CRISPLD2: variants seen among roughly 807,000 people sequenced by gnomAD.
CRISPLD2 encodes cysteine-rich secretory protein LCCL domain-containing 2.
Under a neutral mutation model 71.1 loss-of-function variants are expected in CRISPLD2, and 47 were observed. That is an observed-to-expected ratio of 0.66 (90% CI 0.52 to 0.84). The LOEUF (loss-of-function observed/expected upper bound fraction) is 0.84. Among genes scored for constraint, CRISPLD2 ranks in the 40% least tolerant of loss-of-function variants. CRISPLD2 has a pLI of 0.00. For missense variants in CRISPLD2, 830 were observed against 651.1 expected, an observed-to-expected ratio of 1.27 and a Z score of -2.99; for synonymous variants, 317 against 250.1, an observed-to-expected ratio of 1.27 and a Z score of -2.52.
chr16:84,821,414 A>G (rs142950690), intron 1 of CRISPLD2, among the ~76,000 whole-genome samples: 1 of 152,292 alleles, frequency 6.6e-6, no homozygotes, highest in Non-Finnish European at 1.5e-5. Context: ...TGTGCCACGC[A>G]GTTTACCTGT....
rs1286213103 is a variant in CRISPLD2 at position 84,868,838 on chromosome 16, A to G, written c.854-13A>G. The stretch of plus-strand genomic sequence containing the variant: ...TTCGTGCCGTGACATGTATTCCCGC[A>G]TTTCTCTCCTAGCCCAAGTCGTCAG... On this transcript the variant is annotated splice_polypyrimidine_tract_variant and intron_variant, in intron 7 of 14. Transcript: ENST00000262424. 6 of 1,611,108 alleles carry G rather than the reference A, an allele frequency of 3.7e-6. No individual in the cohort carries two copies. Among genetic ancestry groups the G allele is most frequent in the Non-Finnish European group, 3.4e-6 (4 of 1,178,410 alleles).
intron 6 of CRISPLD2, among the ~76,000 whole-genome samples, chr16:84,864,151 C>G (rs1917472074): frequency 1.3e-5 from 2 of 152,062 alleles, no homozygotes; most frequent in South Asian, 4.1e-4. Flanking sequence ...AGACCCTGGC[C>G]CGGAGCAGAA....
chr16:84,880,236 A>T (rs1017973939), intron 12 of CRISPLD2, among the ~76,000 whole-genome samples: 1 of 152,068 alleles, frequency 6.6e-6, no homozygotes, highest in Non-Finnish European at 1.5e-5. Flanking sequence ...TTAGATTTTT[A>T]TTCTCTTTAC....
chr16:84,869,136 T>G (rs2071443120), intron 8 of CRISPLD2, among the ~76,000 whole-genome samples: 1 of 152,232 alleles, frequency 6.6e-6, no homozygotes, highest in Admixed American at 6.5e-5. Flanking sequence ...AGCAGGCTGC[T>G]CCCAGTGGGC....
intron 13 of CRISPLD2, among the ~76,000 whole-genome samples, chr16:84,884,671 T>C (rs1053970585): frequency 6.6e-6 from 1 of 152,094 alleles, no homozygotes; most frequent in Non-Finnish European, 1.5e-5. Context: ...GTGGGAGATG[T>C]GCATATTGAT....
intron 14 of CRISPLD2, among the ~76,000 whole-genome samples, chr16:84,891,810 C>A (rs186769805): frequency 6.6e-6 from 1 of 152,188 alleles, no homozygotes; most frequent in East Asian, 1.9e-4. Context: ...GCTTTCCCAC[C>A]CGCCCCACTA....
rs1305591349 is a variant in CRISPLD2, at chr16:84,871,878, A to G, written c.915-564A>G. 2.1e-3 allele frequency among the ~76,000 whole-genome samples: 199 copies of G among 94,680 alleles called. 3 individuals are homozygous for G. The highest frequency in any genetic ancestry group is 6.6e-3 in the African/African-American group (185 of 28,126). The allele number at this position is 94,680 out of a possible 152,430, so 62.1% of individuals were successfully genotyped here. On this transcript the variant is annotated intron_variant, in intron 8 of 14. Coordinates refer to ENST00000262424, the MANE Select transcript of CRISPLD2 (RefSeq NM_031476.4). The stretch of plus-strand genomic sequence containing the variant: ...TGTTTTTTTTCAAATGAGAAAAAAA[A>G]AAAAAAAAAAAAAAAAAAAAAGACT...
intron 11 of CRISPLD2, among the ~76,000 whole-genome samples, chr16:84,875,395 CAT>C (rs2071509094): frequency 1.4e-5 from 2 of 140,520 alleles, no homozygotes; most frequent in Non-Finnish European, 3.0e-5. Flanking sequence ...ACATGAGAAA[CAT>C]GAGATTTATG....
At chr16:84,849,659 C>A in intron 4 of CRISPLD2, 142 bp downstream of exon 4, 1 of 826,388 alleles carries the variant, frequency 1.2e-6, no homozygotes. Context: ...ATACAGAGTA[C>A]AGCTGGGAGA....
rs139996756 is a variant in CRISPLD2, at chr16:84,854,764, G to A, written c.644G>A (p.Gly215Asp). 2.5e-4 allele frequency: 408 copies of A among 1,614,042 alleles called. No individual in the cohort carries two copies. The highest frequency in any genetic ancestry group is 3.3e-4 in the Non-Finnish European group (384 of 1,180,032). Residue 215 changes from glycine (G) to aspartate (D), a missense_variant, in exon 6 of 15, where the codon GGC becomes GAC. By Grantham distance (94) the Gly-to-Asp change is moderately conservative. Transcript: ENST00000262424. ...ATTGGAGAAGCCCCCTACAAGAATG[G>A]CCGGCCCTGCTCTGAGTGCCCACCC... is the stretch of plus-strand genomic sequence containing the variant. ...NWIGEAPYKN[G>D]RPCSECPPSY...
intron 5 of CRISPLD2, among the ~76,000 whole-genome samples, chr16:84,852,410 G>A (rs1374496183): frequency 6.6e-6 from 1 of 152,154 alleles, no homozygotes; most frequent in East Asian, 1.9e-4. Context: ...TGTGGTGTCT[G>A]GTGTGGGACC....
At chr16:84,876,476 T>C (rs1380961322) in intron 11 of CRISPLD2, among the ~76,000 whole-genome samples, 1 of 151,256 alleles carries the variant, frequency 6.6e-6, no homozygotes, top group Non-Finnish European at 1.5e-5. Context: ...CACTCCAGCC[T>C]GGGCGACAGA....
intron 14 of CRISPLD2, among the ~76,000 whole-genome samples, chr16:84,891,859 C>T (rs534887709): frequency 6.6e-6 from 1 of 152,302 alleles, no homozygotes; most frequent in South Asian, 2.1e-4. Flanking sequence ...TTTCTCTCTT[C>T]CTGTGACACC....
intron 14 of CRISPLD2, among the ~76,000 whole-genome samples, chr16:84,901,816 CAG>C (rs1266353788): frequency 9.7e-6 from 1 of 103,020 alleles, no homozygotes; most frequent in Non-Finnish European, 1.9e-5. Flanking sequence ...TTTTTTGATG[CAG>C]AGTCTCACTG....
At chr16:84,880,108 C>A (rs1446951700) in intron 12 of CRISPLD2, among the ~76,000 whole-genome samples, 2 of 152,196 alleles carry the variant, frequency 1.3e-5, no homozygotes, top group Admixed American at 1.3e-4. Context: ...CTCCTCCACA[C>A]AGGGAAGCGG....
chr16:84,890,480 C>G (rs901038370), intron 14 of CRISPLD2, among the ~76,000 whole-genome samples: 1 of 152,172 alleles, frequency 6.6e-6, no homozygotes, highest in Non-Finnish European at 1.5e-5. Context: ...TTGGTAGTGA[C>G]TGTGAATGAC....
At chr16:84,863,172 T>C (rs973590119) in intron 6 of CRISPLD2, 6 of 152,258 alleles carry the variant, frequency 3.9e-5, no homozygotes, top group African/African-American at 1.2e-4. Context: ...GGCAGGGGTG[T>C]CTTATGTGTT....
At chr16:84,902,205 T>C (rs1364867805) in intron 14 of CRISPLD2, among the ~76,000 whole-genome samples, 1 of 152,152 alleles carries the variant, frequency 6.6e-6, no homozygotes, top group Non-Finnish European at 1.5e-5. Context: ...CGGCTTTTAT[T>C]AGCAATTCAT....
intron 1 of CRISPLD2, among the ~76,000 whole-genome samples, chr16:84,824,971 G>T (rs571236421): frequency 2.0e-5 from 3 of 152,192 alleles, no homozygotes; most frequent in Admixed American, 6.5e-5. Context: ...GGGCGTGGTG[G>T]CAGGCACCTG....
Sources: gnomAD v4.1 joint callset for allele counts (sites outside exome capture counted in the v4.1 genomes callset) on GRCh38, gnomAD v4.1.1 for gene constraint, MANE v1.5 for transcripts, NCBI Gene and HGNC (gene_info 2026-07-23, HGNC 2026-07-21) for gene names.